Variants in PRKCE observed in about 807,000 individuals in gnomAD.
PRKCE encodes the protein protein kinase C epsilon type.
In PRKCE, 16 loss-of-function variants were observed where a neutral mutation model predicts 85.4. The ratio of observed to expected loss-of-function variants is 0.19; its 90% CI spans 0.13 to 0.28. The LOEUF is 0.28. Ranked by LOEUF, PRKCE falls within the 10% of genes least tolerant of loss-of-function variation. The pLI is 1.00. For missense variants in PRKCE, 573 were observed against 975.2 expected, an observed-to-expected ratio of 0.59 and a Z score of 5.49; for synonymous variants, 388 against 371.5, an observed-to-expected ratio of 1.04 and a Z score of -0.51.
intron 6 of PRKCE, among the ~76,000 whole-genome samples, chr2:45,998,597 G>C (rs1481314101): frequency 6.6e-6 from 1 of 151,722 alleles, no homozygotes. Context: ...TGTTTTTTTT[G>C]ATCCACTCTA....
chr2:46,115,057 A>C (rs1672638228), intron 11 of PRKCE, among the ~76,000 whole-genome samples: 1 of 152,220 alleles, frequency 6.6e-6, no homozygotes. Context: ...GGCCCTCCAC[A>C]TGAATCAGGC....
At chr2:45,984,748 G>A in intron 6 of PRKCE, 68 bp downstream of exon 6, 3 of 1,541,366 alleles carry the variant, frequency 1.9e-6, no homozygotes, top group South Asian at 1.2e-5. Flanking sequence ...CCCCATCCCT[G>A]CTTTATAAAA....
chr2:45,963,320 A>T (rs1357528138), intron 2 of PRKCE, among the ~76,000 whole-genome samples: 18 of 151,686 alleles, frequency 1.2e-4, no homozygotes, highest in African/African-American at 4.8e-5. Context: ...TTATTTATTT[A>T]TTTTTTTAGA....
intron 12 of PRKCE, among the ~76,000 whole-genome samples, chr2:46,149,514 C>G (rs1029057309): frequency 3.9e-5 from 6 of 152,168 alleles, no homozygotes; most frequent in Non-Finnish European, 8.8e-5. Flanking sequence ...CTCATGATCT[C>G]TTCCTTGTAG....
At chr2:45,745,441 C>CCTCTGCCCCACCCACATCACTCG (rs1683064124) in intron 1 of PRKCE, among the ~76,000 whole-genome samples, 1 of 152,114 alleles carries the variant, frequency 6.6e-6, no homozygotes, top group Non-Finnish European at 1.5e-5. Context: ...CATTTCGTCC[C>CCTCTGCCCCACCCACATCACTCG]CTCTGCCCCA....
At chr2:45,942,982 A>G (rs540757101) in intron 2 of PRKCE, among the ~76,000 whole-genome samples, 157 of 152,328 alleles carry the variant, frequency 1.0e-3, no homozygotes, top group Non-Finnish European at 1.9e-3. Flanking sequence ...GCTGTTCTTA[A>G]TATACTTTAG....
chr2:46,019,355 G>T (rs569073751), intron 10 of PRKCE, among the ~76,000 whole-genome samples: 1 of 152,154 alleles, frequency 6.6e-6, no homozygotes, highest in Non-Finnish European at 1.5e-5. Flanking sequence ...GTGTGCGTGA[G>T]TGTGCCCTGC....
At chr2:46,082,644 C>A (rs1281491236) in intron 10 of PRKCE, among the ~76,000 whole-genome samples, 1 of 152,120 alleles carries the variant, frequency 6.6e-6, no homozygotes, top group East Asian at 1.9e-4. Context: ...CATCTGGAGC[C>A]CAGCCTCGTG....
intron 14 of PRKCE, among the ~76,000 whole-genome samples, chr2:46,173,628 G>A (rs540242186): frequency 3.7e-4 from 56 of 152,222 alleles, no homozygotes; most frequent in Non-Finnish European, 6.5e-4. Context: ...AATTGGCACT[G>A]CCTTCCAAAG....
At chr2:46,036,405 C>T (rs750431880) in intron 10 of PRKCE, among the ~76,000 whole-genome samples, 10 of 152,062 alleles carry the variant, frequency 6.6e-5, no homozygotes, top group Non-Finnish European at 1.3e-4. Flanking sequence ...AGTGAGACCC[C>T]TATTTCCACA....
chr2:45,723,951 C>T (rs1680841023), intron 1 of PRKCE, among the ~76,000 whole-genome samples: 1 of 152,180 alleles, frequency 6.6e-6, no homozygotes, highest in East Asian at 1.9e-4. Flanking sequence ...ATAGTCTGTT[C>T]TTACATTCTT....
intron 6 of PRKCE, among the ~76,000 whole-genome samples, chr2:45,995,836 G>A (rs549868590): frequency 2.0e-4 from 30 of 152,084 alleles, no homozygotes; most frequent in African/African-American, 7.2e-4. Flanking sequence ...CTTTTGCTTG[G>A]GTCTTTTGCC....
intron 11 of PRKCE, among the ~76,000 whole-genome samples, chr2:46,102,218 G>A (rs545176367): frequency 6.6e-6 from 1 of 152,204 alleles, no homozygotes; most frequent in South Asian, 2.1e-4. Context: ...ACAGTTTTCA[G>A]GACTAGTAAT....
At chr2:45,944,167 C>T (rs1235190546) in intron 2 of PRKCE, among the ~76,000 whole-genome samples, 1 of 152,188 alleles carries the variant, frequency 6.6e-6, no homozygotes, top group African/African-American at 2.4e-5. Flanking sequence ...CGAATCACTT[C>T]GTTGGTGACT....
At chr2:46,013,701 T>C (rs1329486331) in intron 10 of PRKCE, among the ~76,000 whole-genome samples, 2 of 152,250 alleles carry the variant, frequency 1.3e-5, no homozygotes, top group African/African-American at 4.8e-5. Flanking sequence ...TTCATGCTTG[T>C]TTAATTATGA....
intron 2 of PRKCE, among the ~76,000 whole-genome samples, chr2:45,954,001 T>G (rs1310001774): frequency 6.6e-6 from 1 of 152,232 alleles, no homozygotes; most frequent in Non-Finnish European, 1.5e-5. Flanking sequence ...CCTTCCCTAC[T>G]GCAATCTTAT....
At chr2:45,688,335 G>C (rs555215673) in intron 1 of PRKCE, among the ~76,000 whole-genome samples, 8 of 152,230 alleles carry the variant, frequency 5.3e-5, no homozygotes, top group African/African-American at 1.9e-4. Context: ...CTAGAAAGGG[G>C]TACATATCAG....
At chr2:45,717,753 C>T (rs1291776561) in intron 1 of PRKCE, among the ~76,000 whole-genome samples, 1 of 152,236 alleles carries the variant, frequency 6.6e-6, no homozygotes, top group African/African-American at 2.4e-5. Context: ...GGTCTGGCTA[C>T]TTCCACAAAC....
intron 1 of PRKCE, among the ~76,000 whole-genome samples, chr2:45,777,542 C>A (rs186768942): frequency 3.3e-5 from 5 of 152,294 alleles, no homozygotes; most frequent in Admixed American, 3.3e-4. Flanking sequence ...CAGGACATAG[C>A]CATCTTTGTC....
Sources: gnomAD v4.1 joint callset for allele counts (sites outside exome capture counted in the v4.1 genomes callset) on GRCh38, gnomAD v4.1.1 for gene constraint, MANE v1.5 for transcripts, NCBI Gene and HGNC (gene_info 2026-07-23, HGNC 2026-07-21) for gene names.